The following TAPT1 variants were observed in gnomAD, a reference collection of about 807,000 sequenced individuals.
The protein encoded by TAPT1 is transmembrane anterior posterior transformation protein 1 homolog.
In TAPT1, 28 loss-of-function variants were observed where a neutral mutation model predicts 65.6. The observed-to-expected ratio is 0.43, with a 90% CI of 0.32 to 0.59. The LOEUF is 0.59. TAPT1 is among the 20% of genes least tolerant of loss of function. The pLI is 0.09. For missense variants in TAPT1, 563 were observed against 679.9 expected (o/e 0.83, Z 1.91); for synonymous variants, 278 against 245.2 (o/e 1.13, Z -1.25).
chr4:16,219,058 C>T (rs1182065313), intron 1 of TAPT1, among the ~76,000 whole-genome samples: 1 of 152,020 alleles, frequency 6.6e-6, no homozygotes, highest in Non-Finnish European at 1.5e-5. Flanking sequence ...AAAACATAAC[C>T]TATTTTGAGT....
chr4:16,185,479 C>T (rs1422979408), intron 7 of TAPT1, among the ~76,000 whole-genome samples: 1 of 151,892 alleles, frequency 6.6e-6, no homozygotes, highest in Non-Finnish European at 1.5e-5. Context: ...AGCAATTCTC[C>T]TGCCTCAGTC....
At position 16,174,617 on chromosome 4, in the gene TAPT1, A is replaced by G; in HGVS notation, c.1167+53T>C. On this transcript the variant is annotated intron_variant, in intron 10 of 13. Coordinates refer to ENST00000405303, the MANE Select transcript of TAPT1 (RefSeq NM_153365.3). ...TGCTAAATTAATCATTATTCAGTTA[A>G]TTTCAGACTATGCCTTTGTTAATTT... The G allele has an allele frequency of 2.1e-6, 3 of 1,451,442 alleles. No individual in the cohort carries two copies. In the South Asian group the frequency reaches 3.8e-5, roughly 19 times the overall value. The allele number at this position is 1,451,442 out of a possible 1,614,324, so 89.9% of individuals were successfully genotyped here. A position where few individuals can be genotyped will look rare whatever the true frequency, so the allele number is the denominator to read the frequency against.
intron 11 of TAPT1, among the ~76,000 whole-genome samples, chr4:16,171,818 A>G (rs1748011013): frequency 6.6e-6 from 1 of 152,204 alleles, no homozygotes. Context: ...AAATAACTAT[A>G]CTTTCACCTA....
At chr4:16,173,405 A>C (rs79018559) in intron 11 of TAPT1, among the ~76,000 whole-genome samples, 4,046 of 152,240 alleles carry the variant, frequency 0.027, 92 homozygotes, top group Non-Finnish European at 0.039. Flanking sequence ...CTTTTGAAAA[A>C]AATACATATT....
rs1336907427 is a variant in TAPT1 at position 16,213,702 on chromosome 4, TTTTGCATAATTAATAC to T, written c.330+50_330+65del. On this transcript the variant is annotated intron_variant, in intron 2 of 13. Transcript: ENST00000405303. ...ACTCAACTCTAGCTGTTGACCATTT[TTTTGCATAATTAATAC>T]TTTGACATAACTTTCAAAATGATGT... 1.8e-4 allele frequency: 250 copies of T among 1,395,262 alleles called. No individual in the cohort carries two copies. In the Middle Eastern group the frequency reaches 5.3e-3, roughly 30 times the overall value. 86.4% of individuals were successfully genotyped at this position (1,395,262 alleles called of 1,614,324 possible).
chr4:16,170,620 T>C (rs763369028), intron 12 of TAPT1, 33 bp downstream of exon 12: 1 of 1,531,204 alleles, frequency 6.5e-7, no homozygotes, highest in Non-Finnish European at 9.0e-7. Flanking sequence ...TGCTTTACTG[T>C]ATAGCCAAAA....
intron 4 of TAPT1, chr4:16,190,860 T>C (rs1044687354): frequency 1.9e-5 from 3 of 155,046 alleles, no homozygotes; most frequent in East Asian, 1.9e-4. Context: ...CTTATATTTA[T>C]TTACCCTATG....
chr4:16,178,251 CT>C (rs1229998282), intron 8 of TAPT1, among the ~76,000 whole-genome samples: 3 of 152,120 alleles, frequency 2.0e-5, no homozygotes, highest in Admixed American at 6.6e-5. Context: ...GCCAGGTAGC[CT>C]GCTCGAGCTG....
rs369372276 is a variant in TAPT1, at chr4:16,209,680, G to T, written c.330+4088C>A. ...GCACATACCTCCACCAAACAATGGT[G>T]GAAGGAGAGATCTGTCTGGAAGTCA... On this transcript the variant is annotated intron_variant, in intron 2 of 13. Coordinates refer to ENST00000405303, the MANE Select transcript of TAPT1 (RefSeq NM_153365.3). Among the ~76,000 whole-genome samples, 23 of 152,312 alleles carry T rather than the reference G, an allele frequency of 1.5e-4. No individual in the cohort carries two copies. In the East Asian group the frequency reaches 1.9e-3, roughly 13 times the overall value.
chr4:16,167,781 C>T (rs1294189221), intron 12 of TAPT1, among the ~76,000 whole-genome samples: 1 of 152,150 alleles, frequency 6.6e-6, no homozygotes, highest in Non-Finnish European at 1.5e-5. Flanking sequence ...TGAATTTGTT[C>T]CATATCAGTT....
At chr4:16,181,996 A>G (rs1180353891) in intron 7 of TAPT1, among the ~76,000 whole-genome samples, 1 of 152,248 alleles carries the variant, frequency 6.6e-6, no homozygotes, top group Non-Finnish European at 1.5e-5. Context: ...AAAGATTAAA[A>G]AGTGACACCA....
rs377747758 is a variant in TAPT1, at chr4:16,202,477, G to A, written c.434C>T (p.Pro145Leu). The A allele has an allele frequency of 3.9e-6, 6 of 1,546,604 alleles. No homozygotes were observed. The African/African-American group carries it at 6.9e-5, about 18-fold the overall frequency. ...TTAAACTTACCTTAAGCCATAGCAA[G>A]GCAAAGTGAGGAGCCTGAATAGTGC... Reference protein sequence around the residue: ...FLALFRLLTLPCYGLRDRRLL... With the variant: ...FLALFRLLTLLCYGLRDRRLL... The change falls in exon 3 of 14, where the codon CCT becomes CTT. Residue 145 changes from proline (P) to leucine (L), a missense_variant. Physicochemically the swap from Pro to Leu is moderately conservative, Grantham distance 98 (BLOSUM62 -3). This residue lies in a region of TAPT1 where 217 missense variants were observed against 317.5 expected (regional missense o/e 0.68). Transcript: ENST00000405303.
intron 8 of TAPT1, among the ~76,000 whole-genome samples, chr4:16,177,507 C>T (rs555778262): frequency 6.6e-6 from 1 of 152,146 alleles, no homozygotes; most frequent in South Asian, 2.1e-4. Flanking sequence ...GTGAGTCTGG[C>T]ATCACATCAG....
intron 5 of TAPT1, 69 bp downstream of exon 5, chr4:16,188,151 G>T: frequency 7.5e-7 from 1 of 1,326,578 alleles, no homozygotes; most frequent in Non-Finnish European, 1.0e-6. Context: ...CTATAAAATG[G>T]CTAACCAAAT....
In TAPT1 at chr4:16,162,901, G is replaced by T; in HGVS notation, c.*407C>A. 1 of 420,612 alleles carries T rather than the reference G, an allele frequency of 2.4e-6. No homozygotes were observed. The highest frequency in any genetic ancestry group is 5.0e-6 in the Non-Finnish European group (1 of 201,560). 26.1% of individuals were successfully genotyped at this position (420,612 alleles called of 1,614,324 possible). A position where few individuals can be genotyped will look rare whatever the true frequency, so the allele number is the denominator to read the frequency against. On this transcript the variant is annotated 3_prime_UTR_variant, in exon 14 of 14. Transcript: ENST00000405303. ...TGTTTGTGAAAATAGTATGAGACTG[G>T]AAAGATTACGTCGTGGTAAAAGTTT...
chr4:16,167,192 C>T (rs1042888178), intron 12 of TAPT1, among the ~76,000 whole-genome samples: 2 of 151,932 alleles, frequency 1.3e-5, no homozygotes, highest in Non-Finnish European at 2.9e-5. Flanking sequence ...AGGGTTTCAC[C>T]ATGTTGGCCA....
intron 1 of TAPT1, among the ~76,000 whole-genome samples, chr4:16,224,630 C>A (rs1449338731): frequency 6.6e-6 from 1 of 152,178 alleles, no homozygotes; most frequent in African/African-American, 2.4e-5. Context: ...ACTACCCCAA[C>A]AGCTAAACCT....
chr4:16,226,542 G>C (rs1368936747), upstream of TAPT1: 2 of 890,140 alleles, frequency 2.2e-6, no homozygotes, highest in African/African-American at 1.9e-5. Flanking sequence ...CCCGCCCCTC[G>C]CCGGAGCCCG....
intron 2 of TAPT1, among the ~76,000 whole-genome samples, chr4:16,204,220 G>C (rs1750208765): frequency 6.6e-6 from 1 of 152,198 alleles, no homozygotes; most frequent in Admixed American, 6.5e-5. Context: ...CCACTAAAAA[G>C]TTGCAACTCA....
Sources: allele counts gnomAD v4.1 joint callset (sites outside exome capture counted in the v4.1 genomes callset), GRCh38; gene constraint gnomAD v4.1.1; regional missense constraint gnomAD v4.1.1; transcripts MANE v1.5; gene names NCBI Gene and HGNC (gene_info 2026-07-23, HGNC 2026-07-21).